Variants in DGKI observed in about 807,000 individuals in gnomAD.
DGKI encodes the protein diacylglycerol kinase iota.
In DGKI, 55 loss-of-function variants were observed where a neutral mutation model predicts 147.5. The observed-to-expected ratio is 0.37, with a 90% CI of 0.30 to 0.47. The LOEUF is 0.47. DGKI is among the 20% of genes least tolerant of loss of function. The pLI is 1.00. For missense variants in DGKI, 1,007 were observed against 1,323.8 expected, an observed-to-expected ratio of 0.76 and a Z score of 3.71; for synonymous variants, 469 against 477.1, an observed-to-expected ratio of 0.98 and a Z score of 0.22.
chr7:137,716,147 GTC>G, intron 1 of DGKI, among the ~76,000 whole-genome samples: 1 of 152,168 alleles, frequency 6.6e-6, no homozygotes, highest in Non-Finnish European at 1.5e-5. Flanking sequence ...TCACAATCTG[GTC>G]TCTGCAAAAT....
At chr7:137,588,327 T>C (rs1819481113) in intron 12 of DGKI, among the ~76,000 whole-genome samples, 2 of 152,170 alleles carry the variant, frequency 1.3e-5, no homozygotes, top group Admixed American at 6.6e-5. Flanking sequence ...TCAAAAATAC[T>C]AGATCATTTG....
At chr7:137,556,503 A>C (rs10236148) in intron 19 of DGKI, among the ~76,000 whole-genome samples, 3,915 of 152,304 alleles carry the variant, frequency 0.026, 75 homozygotes, top group South Asian at 0.071. Flanking sequence ...CTCATAAGAA[A>C]GATGGCTGAT....
At chr7:137,806,695 A>C (rs1439586412) in intron 1 of DGKI, among the ~76,000 whole-genome samples, 1 of 152,088 alleles carries the variant, frequency 6.6e-6, no homozygotes, top group Admixed American at 6.6e-5. Flanking sequence ...GGCCTCCCAA[A>C]GTGCTGGGAT....
intron 28 of DGKI, among the ~76,000 whole-genome samples, chr7:137,433,843 C>T (rs750574935): frequency 4.6e-5 from 7 of 152,320 alleles, no homozygotes; most frequent in Non-Finnish European, 1.0e-4. Context: ...AGGGGCCGGG[C>T]GTGGTGGCTC....
chr7:137,635,551 C>T (rs188935972), intron 6 of DGKI, among the ~76,000 whole-genome samples: 30 of 152,220 alleles, frequency 2.0e-4, no homozygotes, highest in Admixed American at 1.8e-3. Flanking sequence ...TTGTGTCAGA[C>T]CAGGGAAATT....
chr7:137,408,134 G>C, intron 29 of DGKI, 139 bp from the exon 30 acceptor site: 1 of 965,784 alleles, frequency 1.0e-6, no homozygotes, highest in South Asian at 1.7e-5. Flanking sequence ...TCAAAAAGGT[G>C]AAGTAACATT....
intron 14 of DGKI, 83 bp from the exon 15 acceptor site, chr7:137,582,011 T>A (rs551719197): frequency 9.0e-7 from 1 of 1,112,980 alleles, no homozygotes; most frequent in Admixed American, 1.8e-5. Context: ...TGGACCCCTA[T>A]CTCTGAAGAA....
chr7:137,596,340 A>G (rs1819799003), intron 12 of DGKI, among the ~76,000 whole-genome samples: 1 of 152,186 alleles, frequency 6.6e-6, no homozygotes, highest in South Asian at 2.1e-4. Context: ...TGGGTATGGT[A>G]AAGAGTCACA....
intron 21 of DGKI, among the ~76,000 whole-genome samples, chr7:137,502,196 G>C (rs1465410596): frequency 6.6e-6 from 1 of 152,128 alleles, no homozygotes; most frequent in Non-Finnish European, 1.5e-5. Context: ...CCTAAGCCTG[G>C]GGGTTCAAGG....
intron 6 of DGKI, among the ~76,000 whole-genome samples, chr7:137,628,980 T>C (rs1311125087): frequency 6.6e-6 from 1 of 152,178 alleles, no homozygotes; most frequent in Non-Finnish European, 1.5e-5. Context: ...ATTCTGACCA[T>C]AGGCTGATTC....
At chr7:137,604,913 G>T (rs1820122134) in intron 10 of DGKI, among the ~76,000 whole-genome samples, 1 of 152,118 alleles carries the variant, frequency 6.6e-6, no homozygotes, top group Admixed American at 6.5e-5. Flanking sequence ...TGTAAGGGAG[G>T]GGACGTATTT....
intron 28 of DGKI, among the ~76,000 whole-genome samples, chr7:137,418,159 G>T (rs2128904487): frequency 6.6e-6 from 1 of 152,340 alleles, no homozygotes; most frequent in African/African-American, 2.4e-5. Flanking sequence ...CCATAATTGA[G>T]TCTACATTCA....
At chr7:137,401,625 C>T (rs1221269493) in intron 30 of DGKI, among the ~76,000 whole-genome samples, 1 of 152,190 alleles carries the variant, frequency 6.6e-6, no homozygotes, top group Non-Finnish European at 1.5e-5. Context: ...TGATTGCAGA[C>T]ACTATGCCAT....
intron 26 of DGKI, among the ~76,000 whole-genome samples, chr7:137,464,725 A>G (rs1814588468): frequency 6.6e-6 from 1 of 152,240 alleles, no homozygotes; most frequent in East Asian, 1.9e-4. Flanking sequence ...TGAACCAAAA[A>G]AAGTGAAAAA....
chr7:137,384,802 A>T lies in DGKI; in HGVS notation c.*6418T>A, dbSNP rs1310455078. The T allele has an allele frequency of 5.3e-5, 8 of 152,110 alleles. No individual in the cohort carries two copies. The highest frequency in any genetic ancestry group is 1.2e-4 in the Non-Finnish European group (8 of 67,988). 9.4% of individuals were successfully genotyped at this position (152,110 alleles called of 1,614,324 possible). The stretch of plus-strand genomic sequence containing the variant: ...GTGTGTTTCACTAAAGGTCTGAGGG[A>T]AAAGATAATTTCAGTATTTCCCACT... On this transcript the variant is annotated 3_prime_UTR_variant, in exon 33 of 33. Coordinates refer to ENST00000614521, the MANE Select transcript of DGKI (RefSeq NM_001321708.2).
At chr7:137,472,299 T>TACATTAAATA (rs376533829) in intron 23 of DGKI, among the ~76,000 whole-genome samples, 127 of 3,894 alleles carry the variant, frequency 0.033, 4 homozygotes, top group African/African-American at 0.051. Flanking sequence ...TATGTGTATA[T>TACATTAAATA]TTATGTGTAT....
At chr7:137,636,790 G>A (rs748041131) in intron 6 of DGKI, among the ~76,000 whole-genome samples, 4 of 152,204 alleles carry the variant, frequency 2.6e-5, no homozygotes, top group Non-Finnish European at 5.9e-5. Context: ...ACAGCAATGA[G>A]TGAATTCTCT....
At position 137,552,299 on chromosome 7, in the gene DGKI, C is replaced by G; in HGVS notation, c.2147+70G>C. The G allele has an allele frequency of 5.2e-6, 8 of 1,547,474 alleles. No homozygotes were observed. The South Asian group carries it at 9.3e-5, about 18-fold the overall frequency. ...TCCCAACACAGTGAGGTCCCCAGAC[C>G]ATGCACATGCTCTGCACTCTCCTCT... is the stretch of plus-strand genomic sequence containing the variant. On this transcript the variant is annotated intron_variant, in intron 20 of 32. Coordinates refer to ENST00000614521, the MANE Select transcript of DGKI (RefSeq NM_001321708.2).
chr7:137,576,887 C>T (rs1818999847), intron 17 of DGKI, among the ~76,000 whole-genome samples: 2 of 152,156 alleles, frequency 1.3e-5, no homozygotes, highest in Admixed American at 6.5e-5. Flanking sequence ...CCTGACCCCA[C>T]CATAGTCAGA....
Sources: gnomAD v4.1 joint callset for allele counts (sites outside exome capture counted in the v4.1 genomes callset) on GRCh38, gnomAD v4.1.1 for gene constraint, MANE v1.5 for transcripts, NCBI Gene and HGNC (gene_info 2026-07-23, HGNC 2026-07-21) for gene names.